Variants in P2RY14 observed in about 807,000 individuals in gnomAD.
The protein encoded by P2RY14 is purinergic receptor P2Y14, also known as P2Y purinoceptor 14.
In P2RY14, 2 loss-of-function variants were observed where a neutral mutation model predicts 0.9. The observed-to-expected ratio is 2.16, with a 90% CI of 0.88 to 6.79. The LOEUF (loss-of-function observed/expected upper bound fraction) is 6.79. Among genes scored for constraint, P2RY14 ranks in the 30% most tolerant of loss-of-function variants. The probability of loss-of-function intolerance (pLI) is 0.05; values close to 1 mark genes in which losing one functional copy is unlikely to be tolerated. For synonymous variants in P2RY14, 158 were observed against 147.2 expected (o/e 1.07, Z -0.53); for missense variants, 378 against 400.1 (o/e 0.94, Z 0.47).
chr3:151,255,051 C>A (rs575767834), intron 1 of P2RY14, among the ~76,000 whole-genome samples: 1 of 151,938 alleles, frequency 6.6e-6, no homozygotes, highest in African/African-American at 2.4e-5. Context: ...TCATAATAAG[C>A]GAGGCCTTTG....
chr3:151,230,093 C>T (rs1057419894), intron 1 of P2RY14, among the ~76,000 whole-genome samples: 2 of 152,164 alleles, frequency 1.3e-5, no homozygotes, highest in African/African-American at 4.8e-5. Flanking sequence ...CCTCTGCCTC[C>T]CAAGTAGCTG....
intron 1 of P2RY14, among the ~76,000 whole-genome samples, chr3:151,246,931 C>T (rs1735668689): frequency 6.6e-6 from 1 of 151,990 alleles, no homozygotes; most frequent in South Asian, 2.1e-4. Flanking sequence ...AAGAAAAAAA[C>T]AAACAACCCC....
intron 1 of P2RY14, among the ~76,000 whole-genome samples, chr3:151,246,033 G>C (rs1408500482): frequency 2.7e-5 from 4 of 150,926 alleles, no homozygotes; most frequent in African/African-American, 7.3e-5. Flanking sequence ...GCTTCAAAGA[G>C]AATAAAATAC....
chr3:151,234,647 G>C (rs1431497391), intron 1 of P2RY14, among the ~76,000 whole-genome samples: 1 of 152,240 alleles, frequency 6.6e-6, no homozygotes. Context: ...TAAGTTCCCA[G>C]ATATGGTAAT....
chr3:151,259,213 C>T (rs1195877456), intron 1 of P2RY14, among the ~76,000 whole-genome samples: 2 of 152,232 alleles, frequency 1.3e-5, no homozygotes, highest in Non-Finnish European at 2.9e-5. Context: ...GGCCACACAA[C>T]TCTCTGAGAA....
intron 1 of P2RY14, among the ~76,000 whole-genome samples, chr3:151,229,305 C>CTTTTTT (rs35097589): frequency 1.8e-5 from 2 of 112,516 alleles, no homozygotes; most frequent in African/African-American, 3.7e-5. Context: ...TTCAGCAATT[C>CTTTTTT]TTTTTTTTTT....
intron 2 of P2RY14, among the ~76,000 whole-genome samples, chr3:151,219,082 C>T (rs1333954118): frequency 1.3e-5 from 2 of 151,804 alleles, no homozygotes; most frequent in Admixed American, 6.6e-5. Flanking sequence ...TTTATGAGGC[C>T]CAAAGACAGT....
At chr3:151,249,218 AGT>A (rs1250958968) in intron 1 of P2RY14, 1 of 152,222 alleles carries the variant, frequency 6.6e-6, no homozygotes, top group Non-Finnish European at 1.5e-5. Context: ...AGACTGAGCA[AGT>A]GAGAGCTCCA....
chr3:151,232,931 T>A (rs1288385531), intron 1 of P2RY14, among the ~76,000 whole-genome samples: 8 of 152,222 alleles, frequency 5.3e-5, no homozygotes, highest in Admixed American at 3.3e-4. Context: ...AAATTTTTTT[T>A]AATATTGTTT....
intron 1 of P2RY14, among the ~76,000 whole-genome samples, chr3:151,239,184 A>C (rs564907947): frequency 6.6e-6 from 1 of 152,366 alleles, no homozygotes; most frequent in South Asian, 2.1e-4. Context: ...TTTTATCTAC[A>C]TGACCAATGT....
chr3:151,228,940 G>A (rs1392337301), intron 1 of P2RY14, among the ~76,000 whole-genome samples: 1 of 152,160 alleles, frequency 6.6e-6, no homozygotes, highest in Non-Finnish European at 1.5e-5. Flanking sequence ...GATGGTATTT[G>A]CATTTCTCAG....
chr3:151,232,923 A>AT (rs1053117557), intron 1 of P2RY14, among the ~76,000 whole-genome samples: 19 of 152,100 alleles, frequency 1.2e-4, no homozygotes, highest in African/African-American at 3.4e-4. Flanking sequence ...TTGAAACTAA[A>AT]TTTTTTTTAA....
At position 151,259,945 on chromosome 3, in the gene P2RY14, C is replaced by T. The variant is rs1299450996; in HGVS notation, c.-133+18342G>A. Among the ~76,000 whole-genome samples the T allele has an allele frequency of 2.0e-5, 3 of 152,282 alleles. No individual in the cohort carries two copies. In the East Asian group the frequency reaches 5.8e-4, roughly 29 times the overall value. ...TTTAATTCTAAGTTTGGAAACCAAT[C>T]CCCTTTTGGTATGTGGTAAATATTT... On this transcript the variant is annotated intron_variant, in intron 1 of 2. Coordinates refer to ENST00000309170, the MANE Select transcript of P2RY14 (RefSeq NM_014879.4).
chr3:151,226,115 ATGGGG>A (rs1730441814), intron 1 of P2RY14, among the ~76,000 whole-genome samples: 1 of 152,204 alleles, frequency 6.6e-6, no homozygotes, highest in Non-Finnish European at 1.5e-5. Context: ...AAGGTATGAC[ATGGGG>A]TCATCATTGA....
chr3:151,214,202 G>C lies in P2RY14; in HGVS notation c.115C>G (p.Leu39Val), dbSNP rs147590222. The C allele has an allele frequency of 2.6e-4, 414 of 1,613,738 alleles. No homozygotes were observed. Among genetic ancestry groups the C allele is most frequent in the Non-Finnish European group, 3.3e-4 (386 of 1,179,738 alleles). The change falls in exon 3 of 3, where the codon CTC becomes GTC. Residue 39 changes from leucine (L) to valine (V), a missense_variant. Transcript: ENST00000309170. ...AATATCCATCCTGACACTCCATTGA[G>C]TAGGATTCCTGCAATGAAGACCATA... ...YCMVFIAGIL[L>V]NGVSGWIFFY...
chr3:151,220,187 C>T (rs1036671263), intron 1 of P2RY14, among the ~76,000 whole-genome samples: 2 of 150,138 alleles, frequency 1.3e-5, no homozygotes, highest in Non-Finnish European at 3.0e-5. Context: ...TGCCAAATGT[C>T]CTCTGAGGGA....
chr3:151,259,531 G>T (rs931543791), intron 1 of P2RY14, among the ~76,000 whole-genome samples: 2 of 152,158 alleles, frequency 1.3e-5, no homozygotes, highest in African/African-American at 4.8e-5. Flanking sequence ...TGGGGTATGT[G>T]TTCACCCTAA....
chr3:151,277,205 C>T (rs940189825), intron 1 of P2RY14, among the ~76,000 whole-genome samples: 3 of 151,400 alleles, frequency 2.0e-5, no homozygotes, highest in Non-Finnish European at 4.4e-5. Context: ...TGCCTGGCCT[C>T]CTTGTTTTTT....
At chr3:151,222,498 GT>G (rs1729565633) in intron 1 of P2RY14, among the ~76,000 whole-genome samples, 1 of 152,102 alleles carries the variant, frequency 6.6e-6, no homozygotes, top group African/African-American at 2.4e-5. Context: ...TTTCTGTGCT[GT>G]TCTTGTGATA....
Sources: allele counts gnomAD v4.1 joint callset (sites outside exome capture counted in the v4.1 genomes callset), GRCh38; gene constraint gnomAD v4.1.1; transcripts MANE v1.5; gene names NCBI Gene and HGNC (gene_info 2026-07-23, HGNC 2026-07-21).